RAB6B: variants seen among roughly 807,000 people sequenced by gnomAD.
RAB6B encodes RAB6B, member RAS oncogene family, also known as ras-related protein Rab-6B.
A neutral mutation model predicts 31.2 loss-of-function variants in RAB6B; 7 were observed. That is an observed-to-expected ratio of 0.22 (90% CI 0.13 to 0.42). RAB6B has a LOEUF of 0.42. RAB6B is among the 10% of genes least tolerant of loss of function. RAB6B has a pLI of 1.00. For synonymous variants in RAB6B, 105 were observed against 104.9 expected (o/e 1.00, Z -0.01); for missense variants, 149 against 280.6 (o/e 0.53, Z 3.35).
chr3:133,840,558 C>T (rs1229989679), intron 4 of RAB6B, among the ~76,000 whole-genome samples: 4 of 152,186 alleles, frequency 2.6e-5, no homozygotes, highest in East Asian at 1.9e-4. Flanking sequence ...CATGCACCAG[C>T]GCGGGGACAT....
At chr3:133,867,666 G>A (rs567893614) in intron 1 of RAB6B, among the ~76,000 whole-genome samples, 1 of 152,302 alleles carries the variant, frequency 6.6e-6, no homozygotes, top group South Asian at 2.1e-4. Flanking sequence ...TGGAATTGGG[G>A]GCCTTTCCCC....
At position 133,857,487 on chromosome 3, in the gene RAB6B, G is replaced by A. The variant is rs562367559; in HGVS notation, c.129+7097C>T. On this transcript the variant is annotated intron_variant, in intron 2 of 7. Transcript: ENST00000285208. ...GGGGACATTCTGAATCCTCCTTGGC[G>A]TGTGCCCTCACTCTGACCACCTCTA... 1.0e-4 allele frequency among the ~76,000 whole-genome samples: 15 copies of A among 150,664 alleles called. No individual in the cohort carries two copies. In the South Asian group the frequency reaches 2.1e-3, roughly 21 times the overall value.
chr3:133,842,410 C>T (rs752879842), intron 2 of RAB6B, among the ~76,000 whole-genome samples: 26 of 152,346 alleles, frequency 1.7e-4, no homozygotes, highest in South Asian at 4.1e-4. Flanking sequence ...CACAGGCACC[C>T]GGTACCTGTC....
chr3:133,864,896 C>T (rs1936214740), intron 1 of RAB6B, among the ~76,000 whole-genome samples: 1 of 152,226 alleles, frequency 6.6e-6, no homozygotes, highest in South Asian at 2.1e-4. Context: ...CCCACTGCCC[C>T]ATGGATTTCC....
At chr3:133,880,661 T>C (rs1936454618) in intron 1 of RAB6B, among the ~76,000 whole-genome samples, 1 of 152,220 alleles carries the variant, frequency 6.6e-6, no homozygotes, top group Non-Finnish European at 1.5e-5. Flanking sequence ...CCAGCTTCTC[T>C]TCCTGTCCTT....
At chr3:133,837,055 A>G (rs1935746782) in intron 6 of RAB6B, among the ~76,000 whole-genome samples, 1 of 150,768 alleles carries the variant, frequency 6.6e-6, no homozygotes, top group Admixed American at 6.6e-5. Flanking sequence ...GGCCAACCAC[A>G]CTCCTCACCC....
rs1285971710 is a variant in RAB6B, at chr3:133,828,715, C to G, written c.*73G>C. The G allele has an allele frequency of 6.0e-6, 9 of 1,487,684 alleles. No homozygotes were observed. The highest frequency in any genetic ancestry group is 7.5e-6 in the Non-Finnish European group (8 of 1,070,142). The allele number at this position is 1,487,684 out of a possible 1,614,324, so 92.2% of individuals were successfully genotyped here. A position where few individuals can be genotyped will look rare whatever the true frequency, so the allele number is the denominator to read the frequency against. ...TCTTGATAACTCGGTTCCCTCCCCC[C>G]TTAGGAAGCTAGCCAATAGGAAGCA... On this transcript the variant is annotated 3_prime_UTR_variant, in exon 8 of 8. Transcript: ENST00000285208.
chr3:133,840,478 G>A (rs1391148690), intron 4 of RAB6B, among the ~76,000 whole-genome samples: 1 of 152,230 alleles, frequency 6.6e-6, no homozygotes, highest in Non-Finnish European at 1.5e-5. Context: ...GTGTGGAGGG[G>A]GCCTGTGGTC....
At chr3:133,837,235 G>A (rs1935750799) in intron 6 of RAB6B, among the ~76,000 whole-genome samples, 1 of 152,132 alleles carries the variant, frequency 6.6e-6, no homozygotes, top group Non-Finnish European at 1.5e-5. Flanking sequence ...TTAATCCTAT[G>A]GACTCCTTTG....
At chr3:133,868,383 C>G (rs1175608246) in intron 1 of RAB6B, among the ~76,000 whole-genome samples, 1 of 152,204 alleles carries the variant, frequency 6.6e-6, no homozygotes, top group East Asian at 1.9e-4. Context: ...GGCATCCCAG[C>G]AGGCCTGCAG....
chr3:133,826,392 ATGT>A lies in RAB6B; in HGVS notation c.*2393_*2395del, dbSNP rs894065688. 6 of 152,254 alleles carry A rather than the reference ATGT, an allele frequency of 3.9e-5. No homozygotes were observed. Among genetic ancestry groups the A allele is most frequent in the African/African-American group, 1.4e-4 (6 of 41,460 alleles). 9.4% of individuals were successfully genotyped at this position (152,254 alleles called of 1,614,324 possible). On this transcript the variant is annotated 3_prime_UTR_variant, in exon 8 of 8. Coordinates refer to ENST00000285208, the MANE Select transcript of RAB6B (RefSeq NM_016577.4). ...AACTGAGTTTCTACTGTTTTATGGG[ATGT>A]TTTTTTAAAAAAGCTAATCTTTAGT...
intron 1 of RAB6B, among the ~76,000 whole-genome samples, chr3:133,865,986 C>T (rs1936232411): frequency 6.6e-6 from 1 of 152,162 alleles, no homozygotes; most frequent in South Asian, 2.1e-4. Flanking sequence ...GATTGAAATC[C>T]TATTGGGGTA....
intron 2 of RAB6B, among the ~76,000 whole-genome samples, chr3:133,850,332 G>T (rs1461787551): frequency 6.6e-6 from 1 of 152,098 alleles, no homozygotes. Context: ...ATAAGAAAAT[G>T]TCAGCCATAT....
chr3:133,871,014 C>T (rs1343617834), intron 1 of RAB6B, among the ~76,000 whole-genome samples: 1 of 152,214 alleles, frequency 6.6e-6, no homozygotes, highest in African/African-American at 2.4e-5. Flanking sequence ...GCCCCATGGG[C>T]CCCAGGCCCC....
At chr3:133,852,269 C>T (rs1402722924) in intron 2 of RAB6B, among the ~76,000 whole-genome samples, 1 of 152,198 alleles carries the variant, frequency 6.6e-6, no homozygotes, top group Non-Finnish European at 1.5e-5. Flanking sequence ...GCTTTGTCCA[C>T]ACTCTCCAGG....
intron 2 of RAB6B, among the ~76,000 whole-genome samples, chr3:133,862,264 GT>G (rs990927763): frequency 6.6e-6 from 1 of 152,024 alleles, no homozygotes; most frequent in Non-Finnish European, 1.5e-5. Flanking sequence ...TCTCCATGCT[GT>G]TTTTTTTGTG....
In RAB6B at chr3:133,864,567, A is replaced by T. The variant is rs368960759; in HGVS notation, c.129+17T>A. On this transcript the variant is annotated intron_variant, in intron 2 of 7. Transcript: ENST00000285208. ...CCACTGCCAGATGATATGGAGGGTG[A>T]GCACCCAGGACCTCACCTGGTATGT... The T allele has an allele frequency of 6.2e-6, 10 of 1,611,958 alleles. No homozygotes were observed. Among genetic ancestry groups the T allele is most frequent in the Middle Eastern group, 1.6e-4 (1 of 6,078 alleles).
intron 1 of RAB6B, among the ~76,000 whole-genome samples, chr3:133,865,128 C>T (rs181740836): frequency 1.1e-3 from 164 of 152,284 alleles, no homozygotes; most frequent in African/African-American, 3.8e-3. Flanking sequence ...GAACCAGGGG[C>T]GGGGAGGCAA....
intron 6 of RAB6B, among the ~76,000 whole-genome samples, chr3:133,837,337 C>G (rs545471301): frequency 1.1e-4 from 17 of 152,278 alleles, no homozygotes; most frequent in Non-Finnish European, 2.2e-4. Flanking sequence ...TTATGAAACA[C>G]ATTGAACAGC....
Sources: allele counts gnomAD v4.1 joint callset (sites outside exome capture counted in the v4.1 genomes callset), GRCh38; gene constraint gnomAD v4.1.1; transcripts MANE v1.5; gene names NCBI Gene and HGNC (gene_info 2026-07-23, HGNC 2026-07-21).